The following RELN variants were observed in gnomAD, a reference collection of about 807,000 sequenced individuals.
RELN encodes the protein reelin.
RELN carries 108 observed loss-of-function variants against 427.6 expected under a neutral mutation model. The observed-to-expected ratio is 0.25, with a 90% CI of 0.22 to 0.30. The LOEUF is 0.30. RELN is among the 10% of genes least tolerant of loss of function. The pLI is 1.00. For missense variants in RELN, 3,715 were observed against 4,302.8 expected (o/e 0.86, Z 3.82); for synonymous variants, 1,524 against 1,513.4 (o/e 1.01, Z -0.16).
chr7:103,588,661 T>C (rs1248186958), intron 28 of RELN, among the ~76,000 whole-genome samples: 1 of 152,210 alleles, frequency 6.6e-6, no homozygotes, highest in Non-Finnish European at 1.5e-5. Context: ...AGAAAATTGC[T>C]TAATTGCAAT....
intron 36 of RELN, 28 bp downstream of exon 36, chr7:103,561,504 G>A: frequency 6.5e-7 from 1 of 1,541,140 alleles, no homozygotes; most frequent in Non-Finnish European, 9.0e-7. Context: ...TAGTAATGTT[G>A]GGAAGGAGAA....
chr7:103,799,756 G>A (rs1792398004), intron 3 of RELN, among the ~76,000 whole-genome samples: 1 of 152,090 alleles, frequency 6.6e-6, no homozygotes, highest in Non-Finnish European at 1.5e-5. Flanking sequence ...TTTGTGTATA[G>A]CAGAGTGGTG....
intron 3 of RELN, among the ~76,000 whole-genome samples, chr7:103,794,784 T>C (rs886805): frequency 0.98 from 148,520 of 152,174 alleles, 72,599 homozygotes; most frequent in East Asian, 1. Flanking sequence ...TAGCAGCACC[T>C]GTAGCACCAC....
chr7:103,791,107 A>G (rs1033831652), intron 3 of RELN, among the ~76,000 whole-genome samples: 4 of 152,230 alleles, frequency 2.6e-5, no homozygotes, highest in African/African-American at 9.6e-5. Context: ...TCACTGAAAA[A>G]AAAAGATGGA....
intron 1 of RELN, among the ~76,000 whole-genome samples, chr7:103,964,067 G>C (rs1216822268): frequency 6.6e-6 from 1 of 152,166 alleles, no homozygotes; most frequent in South Asian, 2.1e-4. Flanking sequence ...GCTAAGGCAG[G>C]AGGATCACTT....
chr7:103,780,600 G>T (rs1791864733), intron 3 of RELN, among the ~76,000 whole-genome samples: 1 of 152,030 alleles, frequency 6.6e-6, no homozygotes, highest in Non-Finnish European at 1.5e-5. Flanking sequence ...CTCTCTATGT[G>T]TCCATGTGTT....
At chr7:103,890,150 T>A (rs1183335668) in intron 2 of RELN, among the ~76,000 whole-genome samples, 4 of 151,990 alleles carry the variant, frequency 2.6e-5, no homozygotes, top group African/African-American at 9.7e-5. Context: ...TCTTCACCAT[T>A]GATACTGCAG....
intron 46 of RELN, 151 bp from the exon 47 acceptor site, chr7:103,523,682 T>G: frequency 1.2e-6 from 1 of 822,866 alleles, no homozygotes. Context: ...ACAATATTCT[T>G]CTTTTCTTTT....
intron 8 of RELN, among the ~76,000 whole-genome samples, chr7:103,716,573 G>T (rs759721764): frequency 6.6e-6 from 1 of 152,164 alleles, no homozygotes; most frequent in Non-Finnish European, 1.5e-5. Flanking sequence ...CCTTGCTTCA[G>T]AAGTCAAGAA....
At chr7:103,546,163 C>CCTGACAA (rs1830292230) in intron 41 of RELN, among the ~76,000 whole-genome samples, 1 of 152,192 alleles carries the variant, frequency 6.6e-6, no homozygotes, top group African/African-American at 2.4e-5. Flanking sequence ...TCTCTCCCTC[C>CCTGACAA]CTGACAACTG....
At chr7:103,570,223 G>C (rs1008465103) in intron 31 of RELN, among the ~76,000 whole-genome samples, 1 of 152,180 alleles carries the variant, frequency 6.6e-6, no homozygotes, top group African/African-American at 2.4e-5. Context: ...GTAAACAGAA[G>C]TTCAATACAG....
At chr7:103,676,853 C>A (rs1415077856) in intron 11 of RELN, among the ~76,000 whole-genome samples, 5 of 151,788 alleles carry the variant, frequency 3.3e-5, no homozygotes, top group African/African-American at 9.7e-5. Context: ...AATACTTGGA[C>A]ACAGGGTGGT....
chr7:103,509,059 C>A (rs1242517832), intron 51 of RELN, among the ~76,000 whole-genome samples: 1 of 152,128 alleles, frequency 6.6e-6, no homozygotes, highest in Admixed American at 6.5e-5. Flanking sequence ...GAACCAATAT[C>A]GTGAAAATGG....
chr7:103,641,137 G>A (rs362705), intron 16 of RELN, among the ~76,000 whole-genome samples: 34,637 of 151,950 alleles, frequency 0.23, 4,832 homozygotes, highest in South Asian at 0.36. Flanking sequence ...TTGAATGGTC[G>A]GTTCTGAGAT....
chr7:103,974,222 C>A (rs574683975), intron 1 of RELN, among the ~76,000 whole-genome samples: 1 of 152,292 alleles, frequency 6.6e-6, no homozygotes, highest in South Asian at 2.1e-4. Context: ...TATGCAATAA[C>A]TCACTGAAGA....
intron 2 of RELN, among the ~76,000 whole-genome samples, chr7:103,913,256 G>A (rs1016302137): frequency 6.6e-6 from 1 of 152,132 alleles, no homozygotes; most frequent in Non-Finnish European, 1.5e-5. Flanking sequence ...AAGAGTAGCT[G>A]TAACTTTAGT....
intron 2 of RELN, among the ~76,000 whole-genome samples, chr7:103,909,556 C>G (rs59078884): frequency 0.24 from 33,620 of 141,814 alleles, 4,730 homozygotes; most frequent in African/African-American, 0.38. Flanking sequence ...GTAGTGAGCT[C>G]AGATTGCGCC....
chr7:103,855,062 G>T (rs927766323), intron 2 of RELN, among the ~76,000 whole-genome samples: 2 of 152,210 alleles, frequency 1.3e-5, no homozygotes, highest in African/African-American at 4.8e-5. Flanking sequence ...ATATCAAAAT[G>T]AATGTACAGA....
intron 2 of RELN, among the ~76,000 whole-genome samples, chr7:103,900,360 G>A (rs1795057205): frequency 6.6e-6 from 1 of 152,098 alleles, no homozygotes; most frequent in African/African-American, 2.4e-5. Flanking sequence ...TCATGAAAAT[G>A]GCCATACTGC....
Sources: gnomAD v4.1 joint callset for allele counts (sites outside exome capture counted in the v4.1 genomes callset) on GRCh38, gnomAD v4.1.1 for gene constraint, MANE v1.5 for transcripts, NCBI Gene and HGNC (gene_info 2026-07-23, HGNC 2026-07-21) for gene names.